The following GPR107 variants were observed in gnomAD, a reference collection of about 807,000 sequenced individuals.
GPR107 encodes the protein G protein-coupled receptor 107.
GPR107 carries 31 observed loss-of-function variants against 75.5 expected under a neutral mutation model. The observed-to-expected ratio is 0.41, with a 90% CI of 0.31 to 0.55. The LOEUF is 0.55. Among genes scored for constraint, GPR107 ranks in the 20% least tolerant of loss-of-function variants. GPR107 has a pLI of 0.26. For synonymous variants in GPR107, 267 were observed against 251.3 expected (o/e 1.06, Z -0.59); for missense variants, 572 against 665.7 (o/e 0.86, Z 1.55).
rs921317813 is a variant in GPR107 at position 130,078,005 on chromosome 9, A to G, written c.386+627A>G. ...ACAGTGAAACCCCGTCTCTACTAAA[A>G]ATACAAAAAATTAGCCGGGCGTGGT... On this transcript the variant is annotated intron_variant, in intron 4 of 17. Transcript: ENST00000347136. 3.3e-5 allele frequency among the ~76,000 whole-genome samples: 5 copies of G among 152,094 alleles called. No individual in the cohort carries two copies. In the South Asian group the frequency reaches 1.0e-3, roughly 32 times the overall value.
chr9:130,087,953 A>G (rs1006656649), intron 7 of GPR107, among the ~76,000 whole-genome samples: 1 of 152,074 alleles, frequency 6.6e-6, no homozygotes, highest in South Asian at 2.1e-4. Context: ...AAGCCCCTCT[A>G]TCCCCATAAG....
chr9:130,075,888 T>C, intron 2 of GPR107, 139 bp downstream of exon 2: 1 of 538,166 alleles, frequency 1.9e-6, no homozygotes. Flanking sequence ...GTTCAAGCAG[T>C]TCTCTGCCTC....
rs893059309 is a variant in GPR107, at chr9:130,112,152, T to C, written c.1306+4613T>C. Among the ~76,000 whole-genome samples the C allele has an allele frequency of 6.6e-6, 1 of 152,224 alleles. No individual in the cohort carries two copies. Among genetic ancestry groups the C allele is most frequent in the Non-Finnish European group, 1.5e-5 (1 of 68,036 alleles). ...ATCCTTTTTTTGGGCCTTGTGTTTC[T>C]GAGGAAAAGTCAGAAGATGTATTCT... On this transcript the variant is annotated intron_variant, in intron 14 of 17. Transcript: ENST00000347136. This position sits in a 1 kb window ranked among gnomAD's most constrained non-coding sequence, Gnocchi z 4.0.
Position 130,079,775 on chromosome 9 carries a change from C to T in GPR107, c.526+6C>T. On this transcript the variant is annotated splice_donor_region_variant and intron_variant, in intron 5 of 17. Transcript: ENST00000347136. ...CCAGACCCAGAAGACACAAGGTAAACCGTAAGGTGGAAACTGGCTTTCAGT... is the reference window on the plus strand; with the variant it reads ...CCAGACCCAGAAGACACAAGGTAAATCGTAAGGTGGAAACTGGCTTTCAGT... The T allele has an allele frequency of 1.9e-6, 3 of 1,590,124 alleles. No homozygotes were observed. The highest frequency in any genetic ancestry group is 2.6e-6 in the Non-Finnish European group (3 of 1,168,446).
intron 12 of GPR107, 61 bp downstream of exon 12, chr9:130,101,284 C>T: frequency 1.1e-6 from 1 of 909,882 alleles, no homozygotes; most frequent in Admixed American, 1.7e-5. Flanking sequence ...GGCTCAGCTC[C>T]AAGCCTGTAT....
At chr9:130,082,623 G>C (rs1034417216) in intron 5 of GPR107, among the ~76,000 whole-genome samples, 3 of 151,794 alleles carry the variant, frequency 2.0e-5, no homozygotes, top group African/African-American at 7.3e-5. Flanking sequence ...GGGACTATAG[G>C]CACCTGCCAC....
intron 17 of GPR107, among the ~76,000 whole-genome samples, chr9:130,134,754 G>T (rs945591814): frequency 6.6e-6 from 1 of 152,230 alleles, no homozygotes; most frequent in African/African-American, 2.4e-5. Context: ...TTGTGATAAC[G>T]ATAGCTGGTG....
In GPR107 at chr9:130,092,566, G is replaced by A. The variant is rs1041849658; in HGVS notation, c.863+185G>A. Among the ~76,000 whole-genome samples, 10 of 152,104 alleles carry A rather than the reference G, an allele frequency of 6.6e-5. No individual in the cohort carries two copies. The East Asian group carries it at 1.5e-3, about 24-fold the overall frequency. ...GTGTGGGAGCCCTTTGCATGCCTTGGTGTCTGTTCACTTCCTGTTGTTTTG... is the reference window on the plus strand; with the variant it reads ...GTGTGGGAGCCCTTTGCATGCCTTGATGTCTGTTCACTTCCTGTTGTTTTG... On this transcript the variant is annotated intron_variant, in intron 9 of 17. Transcript: ENST00000347136.
chr9:130,079,741 A>G lies in GPR107; in HGVS notation c.498A>G (p.Ser166=), dbSNP rs1209895924. 6.2e-7 allele frequency: 1 copy of G among 1,612,676 alleles called. No individual in the cohort carries two copies. The highest frequency in any genetic ancestry group is 2.2e-5 in the East Asian group (1 of 44,850). Residue 166 remains serine, a synonymous_variant, in exon 5 of 18, where the codon TCA becomes TCG. Transcript: ENST00000347136. The part of the protein sequence containing the change: ...QSQEPNVNPA[S]AGNQTQKTQD... ...AGGAGCCTAATGTTAACCCTGCTTC[A>G]GCAGGCAACCAGACCCAGAAGACAC...
intron 3 of GPR107, among the ~76,000 whole-genome samples, chr9:130,076,845 A>C (rs914231477): frequency 2.0e-5 from 3 of 149,796 alleles, no homozygotes; most frequent in African/African-American, 7.4e-5. Context: ...GGCTGCTTTG[A>C]CTTCCAAGCA....
chr9:130,075,795 T>TC lies in GPR107; in HGVS notation c.255+46_255+47insC, dbSNP rs1455945147. The TC allele has an allele frequency of 5.0e-6, 5 of 999,150 alleles. No homozygotes were observed. In the East Asian group the frequency reaches 9.9e-5, roughly 20 times the overall value. The allele number at this position is 999,150 out of a possible 1,614,324, so 61.9% of individuals were successfully genotyped here. A position where few individuals can be genotyped will look rare whatever the true frequency, so the allele number is the denominator to read the frequency against. ...TCCAGGGGTTTACTCTTTTTTTTTT[T>TC]TTTTTGAGATGGAGTCTTGCTCTGT... On this transcript the variant is annotated intron_variant, in intron 2 of 17. Coordinates refer to ENST00000347136, the MANE Select transcript of GPR107 (RefSeq NM_020960.5).
intron 14 of GPR107, among the ~76,000 whole-genome samples, chr9:130,121,588 T>C (rs1831548024): frequency 6.6e-6 from 1 of 152,228 alleles, no homozygotes; most frequent in Non-Finnish European, 1.5e-5. Flanking sequence ...CCTTCCCTGA[T>C]ATGTGCAGCT....
At chr9:130,104,321 G>A (rs754706856) in intron 12 of GPR107, 99 bp from the exon 13 acceptor site, 20 of 976,170 alleles carry the variant, frequency 2.0e-5, no homozygotes, top group South Asian at 4.4e-5. Flanking sequence ...GTCGCAGATC[G>A]TGGGTCTGGA....
chr9:130,079,559 C>G (rs1462445188), intron 4 of GPR107, 71 bp from the exon 5 acceptor site: 1 of 1,296,436 alleles, frequency 7.7e-7, no homozygotes, highest in Non-Finnish European at 1.1e-6. Flanking sequence ...GGCACAGGGC[C>G]TACACGCAGC....
intron 6 of GPR107, among the ~76,000 whole-genome samples, chr9:130,084,160 G>A (rs1830559622): frequency 6.6e-6 from 1 of 150,654 alleles, no homozygotes; most frequent in Admixed American, 6.6e-5. Context: ...CACTTTGGGA[G>A]GTTGAGGTTG....
At chr9:130,094,783 C>T (rs570719703) in intron 9 of GPR107, among the ~76,000 whole-genome samples, 100 of 152,010 alleles carry the variant, frequency 6.6e-4, no homozygotes, top group African/African-American at 2.3e-3. Flanking sequence ...CAGGTTCAAG[C>T]GATTCTCTTG....
At chr9:130,061,944 CA>C (rs900069172) in intron 1 of GPR107, among the ~76,000 whole-genome samples, 14 of 137,468 alleles carry the variant, frequency 1.0e-4, no homozygotes, top group East Asian at 2.1e-4. Context: ...GACTCTGTCT[CA>C]AAAAAAAAAG....
chr9:130,084,632 C>T (rs7873249), intron 6 of GPR107, among the ~76,000 whole-genome samples: 5,071 of 151,476 alleles, frequency 0.033, 286 homozygotes, highest in African/African-American at 0.12. Flanking sequence ...AGAAAATTAG[C>T]GGGCATGGTG....
chr9:130,078,183 T>C (rs1830406017), intron 4 of GPR107, among the ~76,000 whole-genome samples: 1 of 151,568 alleles, frequency 6.6e-6, no homozygotes, highest in Non-Finnish European at 1.5e-5. Context: ...AAAAAAAATG[T>C]TGAACTTTGA....
Sources: allele counts gnomAD v4.1 joint callset (sites outside exome capture counted in the v4.1 genomes callset), GRCh38; gene constraint gnomAD v4.1.1; non-coding constraint Gnocchi (gnomAD v3.1); transcripts MANE v1.5; gene names NCBI Gene and HGNC (gene_info 2026-07-23, HGNC 2026-07-21).